CDKL5: variants seen among roughly 807,000 people sequenced by gnomAD.
The protein encoded by CDKL5 is cyclin-dependent kinase-like 5.
A neutral mutation model predicts 61.7 loss-of-function variants in CDKL5; 8 were observed. That is an observed-to-expected ratio of 0.13 (90% CI 0.08 to 0.23). CDKL5 has a LOEUF of 0.23. Ranked by LOEUF, CDKL5 falls within the 10% of genes least tolerant of loss-of-function variation. The probability of loss-of-function intolerance (pLI) is 1.00; values close to 1 mark genes in which losing one functional copy is unlikely to be tolerated. For synonymous variants in CDKL5, 275 were observed against 272.3 expected, an observed-to-expected ratio of 1.01 and a Z score of -0.10; for missense variants, 440 against 734.5, an observed-to-expected ratio of 0.60 and a Z score of 4.63.
chrX:18,568,820 A>G (rs968997211), intron 4 of CDKL5, among the ~76,000 whole-genome samples: 11 of 109,846 alleles, frequency 1.0e-4, no homozygotes, highest in African/African-American at 1.3e-4. Flanking sequence ...CAGCCTCCCA[A>G]AGTAGCTGGG....
At position 18,631,062 on chromosome X, in the gene CDKL5, G is replaced by A; in HGVS notation, c.*2305G>A. Reference sequence around the variant, plus strand: ...CTGCACGGTCCCGTTGCCATGCTGTGGCATTCGAGGCTCGTCACCTAGGGG... The same window carrying A: ...CTGCACGGTCCCGTTGCCATGCTGTAGCATTCGAGGCTCGTCACCTAGGGG... On this transcript the variant is annotated 3_prime_UTR_variant, in exon 18 of 18. Coordinates refer to ENST00000623535, the MANE Select transcript of CDKL5 (RefSeq NM_001323289.2). The A allele has an allele frequency of 1.3e-6, 1 of 752,593 alleles. No individual in the cohort carries two copies. The highest frequency in any genetic ancestry group is 1.6e-6 in the Non-Finnish European group (1 of 639,029). 62.0% of individuals were successfully genotyped at this position (752,593 alleles called of 1,213,427 possible).
chrX:18,624,056 CT>C, intron 16 of CDKL5: 1 of 619,801 alleles, frequency 1.6e-6, no homozygotes, highest in African/African-American at 2.4e-5. Context: ...ACTTGTTTTA[CT>C]GATGACAACA....
At chrX:18,647,137 GA>G in intron 20 of CDKL5, 1 of 1,188,117 alleles carries the variant, frequency 8.4e-7, no homozygotes, top group Non-Finnish European at 1.1e-6. Flanking sequence ...CGCTGGTAGA[GA>G]GGCCTATTTT....
At chrX:18,530,335 C>CA (rs985283133) in intron 3 of CDKL5, among the ~76,000 whole-genome samples, 644 of 47,399 alleles carry the variant, frequency 0.014, 6 homozygotes, top group African/African-American at 0.039. Flanking sequence ...GGCTCCGTCT[C>CA]AAAAAAAAAA....
intron 3 of CDKL5, among the ~76,000 whole-genome samples, chrX:18,519,000 TG>T (rs1388095656): frequency 1.8e-5 from 2 of 111,155 alleles, no homozygotes; most frequent in African/African-American, 6.5e-5. Flanking sequence ...GTTTTACCTC[TG>T]TGTGTCAGAG....
At chrX:18,615,196 T>C (rs1926678327) in intron 15 of CDKL5, among the ~76,000 whole-genome samples, 1 of 111,877 alleles carries the variant, frequency 8.9e-6, no homozygotes, top group Admixed American at 9.5e-5. Context: ...TATTCTTTTG[T>C]TTCTGTTAAC....
At chrX:18,561,040 C>G (rs774374870) in intron 3 of CDKL5, among the ~76,000 whole-genome samples, 1 of 109,354 alleles carries the variant, frequency 9.1e-6, no homozygotes, top group African/African-American at 3.5e-5. Context: ...TTTTTAGACC[C>G]TTAATTTTCT....
chrX:18,610,966 A>AT (rs2147165812), intron 14 of CDKL5, among the ~76,000 whole-genome samples: 1 of 112,270 alleles, frequency 8.9e-6, no homozygotes, highest in East Asian at 2.8e-4. Flanking sequence ...CTGCTTAGTC[A>AT]TTTTAATTAG....
Position 18,581,958 on chromosome X carries a change from A to G in CDKL5, c.463+8A>G, listed in dbSNP as rs769244237. On this transcript the variant is annotated splice_region_variant and intron_variant, in intron 7 of 17. Coordinates refer to ENST00000623535, the MANE Select transcript of CDKL5 (RefSeq NM_001323289.2). ...TAAAACTGTGTGACTTTGGTAAGTTAAAAAGAAATTAAGTCCTGGTACTTA... is the reference window on the plus strand; with the variant it reads ...TAAAACTGTGTGACTTTGGTAAGTTGAAAAGAAATTAAGTCCTGGTACTTA... 6.1e-6 allele frequency: 7 copies of G among 1,145,285 alleles called. No homozygotes were observed. Among genetic ancestry groups the G allele is most frequent in the Non-Finnish European group, 8.4e-6 (7 of 837,283 alleles). The allele number at this position is 1,145,285 out of a possible 1,213,427, so 94.4% of individuals were successfully genotyped here.
At chrX:18,605,910 G>A (rs1926347523) in intron 12 of CDKL5, among the ~76,000 whole-genome samples, 1 of 112,148 alleles carries the variant, frequency 8.9e-6, no homozygotes, top group African/African-American at 3.2e-5. Flanking sequence ...GTAGCCAGGT[G>A]CAGTGGCTCA....
At chrX:18,447,995 A>G (rs1462809723) in intron 1 of CDKL5, among the ~76,000 whole-genome samples, 2 of 110,647 alleles carry the variant, frequency 1.8e-5, no homozygotes, top group Non-Finnish European at 3.8e-5. Flanking sequence ...TAAGCGATCC[A>G]ACTGCCTTGA....
At chrX:18,527,044 A>G (rs1023321776) in intron 3 of CDKL5, among the ~76,000 whole-genome samples, 7 of 111,450 alleles carry the variant, frequency 6.3e-5, no homozygotes, top group Non-Finnish European at 1.3e-4. Context: ...CAGCCTCCCA[A>G]AGTGCTGGGA....
chrX:18,536,665 C>G (rs375884009), intron 3 of CDKL5, among the ~76,000 whole-genome samples: 208 of 108,646 alleles, frequency 1.9e-3, no homozygotes, highest in African/African-American at 6.2e-3. Context: ...AGGCTGGTCT[C>G]GAACTTTTGA....
At position 18,509,228 on chromosome X, in the gene CDKL5, C is replaced by CAG. The variant is rs1569198483; in HGVS notation, c.65-1591_65-1590insGA. ...ACACACACACACACACACACACACA[C>CAG]ACACACACACACACACACCCCTGTC... is the stretch of plus-strand genomic sequence containing the variant. On this transcript the variant is annotated intron_variant, in intron 2 of 17. Coordinates refer to ENST00000623535, the MANE Select transcript of CDKL5 (RefSeq NM_001323289.2). Among the ~76,000 whole-genome samples, 3 of 107,665 alleles carry CAG rather than the reference C, an allele frequency of 2.8e-5. No individual in the cohort carries two copies. In the Admixed American group the frequency reaches 3.2e-4, roughly 11 times the overall value. 93.5% of individuals were successfully genotyped at this position (107,665 alleles called of 115,157 possible).
intron 3 of CDKL5, among the ~76,000 whole-genome samples, chrX:18,531,281 C>T (rs146605288): frequency 0.01 from 1,136 of 112,433 alleles, 5 homozygotes; most frequent in Non-Finnish European, 0.014. Flanking sequence ...TTCTTCCTCT[C>T]CCTACCTAAA....
chrX:18,640,404 T>A (rs1237336219), downstream of CDKL5: 1 of 105,551 alleles, frequency 9.5e-6, no homozygotes, highest in Non-Finnish European at 1.9e-5. Flanking sequence ...AGATTTGTCC[T>A]GTGTCCTAAG....
intron 3 of CDKL5, among the ~76,000 whole-genome samples, chrX:18,522,903 C>G (rs1234685792): frequency 1.9e-5 from 2 of 103,815 alleles, no homozygotes; most frequent in Non-Finnish European, 3.9e-5. Context: ...TCAAGCCATT[C>G]TCCTGGCTCA....
intron 3 of CDKL5, among the ~76,000 whole-genome samples, chrX:18,515,091 C>T (rs1340074768): frequency 1.8e-5 from 2 of 112,480 alleles, no homozygotes; most frequent in Non-Finnish European, 3.8e-5. Context: ...TGAGCCACCG[C>T]GCCCAGCCTC....
rs775801846 is a variant in CDKL5 at position 18,466,316 on chromosome X, AT to A, written c.-162-40613del. 5.3e-5 allele frequency among the ~76,000 whole-genome samples: 6 copies of A among 112,275 alleles called. No homozygotes were observed. In the Admixed American group the frequency reaches 5.7e-4, roughly 11 times the overall value. On this transcript the variant is annotated intron_variant, in intron 1 of 17. Coordinates refer to ENST00000623535, the MANE Select transcript of CDKL5 (RefSeq NM_001323289.2). ...CTCAATCCCAGTGAAAGCTAATAGT[AT>A]TTTTTGAGACAGTGTTATAAATGTT... is the stretch of plus-strand genomic sequence containing the variant.
Sources: gnomAD v4.1 joint callset for allele counts (sites outside exome capture counted in the v4.1 genomes callset) on GRCh38, gnomAD v4.1.1 for gene constraint, MANE v1.5 for transcripts, NCBI Gene and HGNC (gene_info 2026-07-23, HGNC 2026-07-21) for gene names.